Variants in MVB12B observed in about 807,000 individuals in gnomAD.
MVB12B encodes ESCRT-I complex subunit MVB12B.
A neutral mutation model predicts 41.6 loss-of-function variants in MVB12B; 16 were observed. The ratio of observed to expected loss-of-function variants is 0.38; its 90% CI spans 0.26 to 0.58. MVB12B has a LOEUF of 0.58. MVB12B is among the 20% of genes least tolerant of loss of function. MVB12B has a pLI of 0.62. For missense variants in MVB12B, 274 were observed against 380.2 expected, an observed-to-expected ratio of 0.72 and a Z score of 2.32; for synonymous variants, 133 against 139.7, an observed-to-expected ratio of 0.95 and a Z score of 0.34.
intron 7 of MVB12B, among the ~76,000 whole-genome samples, chr9:126,444,250 C>G (rs567058391): frequency 6.6e-6 from 1 of 152,170 alleles, no homozygotes; most frequent in Non-Finnish European, 1.5e-5. Context: ...TATATAAACA[C>G]ATTTTTAATT....
chr9:126,327,078 C>T (rs1828997167), intron 1 of MVB12B, 68 bp downstream of exon 1: 1 of 164,816 alleles, frequency 6.1e-6, no homozygotes, highest in Non-Finnish European at 1.2e-5. Flanking sequence ...GGCGGGCGGG[C>T]GGGCGCGGGC....
intron 7 of MVB12B, among the ~76,000 whole-genome samples, chr9:126,452,994 C>T (rs1448683821): frequency 3.3e-5 from 5 of 152,004 alleles, no homozygotes; most frequent in African/African-American, 1.2e-4. Flanking sequence ...GCTCTGGACT[C>T]AAGTCCCAGC....
At chr9:126,371,422 G>A (rs1191493792) in intron 2 of MVB12B, among the ~76,000 whole-genome samples, 1 of 152,198 alleles carries the variant, frequency 6.6e-6, no homozygotes, top group Non-Finnish European at 1.5e-5. Flanking sequence ...TTCCCTGCCT[G>A]GCTCCCTTCG....
chr9:126,381,058 G>T lies in MVB12B; in HGVS notation c.205-6G>T, dbSNP rs757753486. 1 of 1,612,746 alleles carries T rather than the reference G, an allele frequency of 6.2e-7. No individual in the cohort carries two copies. The highest frequency in any genetic ancestry group is 1.1e-5 in the South Asian group (1 of 91,062). ...TGCAATCCTTTTCTCTGTCTCTCCG[G>T]TGTAGGTTGCACAGACAGCAGATGG... On this transcript the variant is annotated splice_region_variant and splice_polypyrimidine_tract_variant and intron_variant, in intron 2 of 9. Coordinates refer to ENST00000361171, the MANE Select transcript of MVB12B (RefSeq NM_033446.3).
intron 3 of MVB12B, among the ~76,000 whole-genome samples, chr9:126,383,028 G>A (rs1830678131): frequency 6.6e-6 from 1 of 152,184 alleles, no homozygotes; most frequent in Non-Finnish European, 1.5e-5. Context: ...GGTGCATATT[G>A]TTTTTGGAAA....
intron 7 of MVB12B, among the ~76,000 whole-genome samples, chr9:126,448,652 C>T (rs554786173): frequency 7.9e-5 from 12 of 152,124 alleles, no homozygotes; most frequent in African/African-American, 2.4e-4. Context: ...AAGGGGAAGC[C>T]GATGTATCAC....
intron 7 of MVB12B, among the ~76,000 whole-genome samples, chr9:126,427,194 G>A (rs1046080670): frequency 5.3e-5 from 8 of 152,140 alleles, no homozygotes. Context: ...AGTTTGATAA[G>A]AACAGCTTAT....
chr9:126,357,901 C>T (rs1829925041), intron 2 of MVB12B, among the ~76,000 whole-genome samples: 2 of 152,042 alleles, frequency 1.3e-5, no homozygotes, highest in African/African-American at 4.8e-5. Context: ...TTTGCTAGCC[C>T]TAAGGTCAAG....
intron 1 of MVB12B, among the ~76,000 whole-genome samples, chr9:126,331,943 TC>T (rs1829142267): frequency 6.6e-6 from 1 of 152,224 alleles, no homozygotes; most frequent in African/African-American, 2.4e-5. Context: ...GGGTGCCCCT[TC>T]CTGTAGCTCA....
At position 126,340,676 on chromosome 9, in the gene MVB12B, A is replaced by C. The variant is rs778190786; in HGVS notation, c.204+46A>C. On this transcript the variant is annotated intron_variant, in intron 2 of 9. Coordinates refer to ENST00000361171, the MANE Select transcript of MVB12B (RefSeq NM_033446.3). This position sits in a 1 kb window ranked among gnomAD's most constrained non-coding sequence, Gnocchi z 4.0. ...GTACATTTTGCTCACTGATTCTACA[A>C]GTATTTATCTCCTGTGTCCAAGACC... 8 of 1,602,460 alleles carry C rather than the reference A, an allele frequency of 5.0e-6. No individual in the cohort carries two copies. In the Admixed American group the frequency reaches 1.2e-4, roughly 23 times the overall value.
In MVB12B at chr9:126,473,195, C is replaced by G. The variant is rs1833351712; in HGVS notation, c.758-8174C>G. Among the ~76,000 whole-genome samples, 1 of 152,160 alleles carries G rather than the reference C, an allele frequency of 6.6e-6. No individual in the cohort carries two copies. The highest frequency in any genetic ancestry group is 2.4e-5 in the African/African-American group (1 of 41,418). On this transcript the variant is annotated intron_variant, in intron 7 of 9. Coordinates refer to ENST00000361171, the MANE Select transcript of MVB12B (RefSeq NM_033446.3). The surrounding 1 kb of genome is among the most constrained non-coding windows in gnomAD (Gnocchi z 4.0). ...CACCTTACAGACAGGGCAAGTAAGG[C>G]TCAGAGAGGTGGGGTGGCCTGTGCA...
At chr9:126,372,281 ATGTT>A (rs1830362872) in intron 2 of MVB12B, among the ~76,000 whole-genome samples, 1 of 152,216 alleles carries the variant, frequency 6.6e-6, no homozygotes, top group Non-Finnish European at 1.5e-5. Context: ...CAGTTGATGA[ATGTT>A]TGGATTAGTT....
intron 2 of MVB12B, among the ~76,000 whole-genome samples, chr9:126,348,941 A>G (rs1478281696): frequency 6.6e-6 from 1 of 152,128 alleles, no homozygotes; most frequent in Non-Finnish European, 1.5e-5. Flanking sequence ...TTATTCATAT[A>G]TGATGTGGCC....
intron 7 of MVB12B, among the ~76,000 whole-genome samples, chr9:126,427,706 A>T (rs1056096777): frequency 2.0e-5 from 3 of 152,236 alleles, no homozygotes; most frequent in Admixed American, 2.0e-4. Flanking sequence ...CGAACACCCT[A>T]TGAATGCAGG....
chr9:126,335,421 A>G (rs1829247026), intron 1 of MVB12B: 1 of 1,303,848 alleles, frequency 7.7e-7, no homozygotes, highest in African/African-American at 1.5e-5. Context: ...GGTCTCTGCA[A>G]CTTTCTGTAA....
chr9:126,447,949 A>G (rs1832816652), intron 7 of MVB12B: 1 of 152,438 alleles, frequency 6.6e-6, no homozygotes, highest in East Asian at 1.9e-4. Flanking sequence ...ATTTTTGGCC[A>G]TAAGTTCCAT....
intron 9 of MVB12B, among the ~76,000 whole-genome samples, chr9:126,493,727 T>C (rs143727779): frequency 7.4e-4 from 112 of 152,364 alleles, no homozygotes; most frequent in African/African-American, 2.6e-3. Flanking sequence ...CCTAGGTGCT[T>C]TCTGTCTTTG....
intron 6 of MVB12B, among the ~76,000 whole-genome samples, chr9:126,408,572 A>G (rs768946171): frequency 4.6e-5 from 7 of 151,680 alleles, no homozygotes; most frequent in Non-Finnish European, 8.8e-5. Context: ...AACCCGTCAC[A>G]GGCTTTTAAG....
At chr9:126,487,456 G>A (rs145053574) in intron 9 of MVB12B, among the ~76,000 whole-genome samples, 18 of 152,282 alleles carry the variant, frequency 1.2e-4, no homozygotes, top group African/African-American at 4.3e-4. Context: ...TTTAGTGACG[G>A]GTTAAAAGAA....
Sources: gnomAD v4.1 joint callset for allele counts (sites outside exome capture counted in the v4.1 genomes callset) on GRCh38, gnomAD v4.1.1 for gene constraint, Gnocchi (gnomAD v3.1) non-coding constraint, MANE v1.5 for transcripts, NCBI Gene and HGNC (gene_info 2026-07-23, HGNC 2026-07-21) for gene names.